TBX22: variants seen among roughly 807,000 people sequenced by gnomAD.
TBX22 encodes the protein T-box transcription factor 22, also known as T-box transcription factor TBX22.
In TBX22, 8 loss-of-function variants were observed where a neutral mutation model predicts 30.1. That is an observed-to-expected ratio of 0.27 (90% CI 0.16 to 0.48). The LOEUF is 0.48. Ranked by LOEUF, TBX22 falls within the 20% of genes least tolerant of loss-of-function variation. TBX22 has a pLI of 0.99. For missense variants in TBX22, 463 were observed against 400.5 expected, an observed-to-expected ratio of 1.16 and a Z score of -1.33; for synonymous variants, 173 against 149.1, an observed-to-expected ratio of 1.16 and a Z score of -1.17.
rs750669044 is a variant in TBX22, at chrX:80,027,333, G to A, written c.863+13G>A. The A allele has an allele frequency of 8.3e-5, 78 of 935,572 alleles. No homozygotes were observed. The highest frequency in any genetic ancestry group is 1.2e-4 in the Non-Finnish European group (76 of 650,279). 77.1% of individuals were successfully genotyped at this position (935,572 alleles called of 1,213,427 possible). A position where few individuals can be genotyped will look rare whatever the true frequency, so the allele number is the denominator to read the frequency against. On this transcript the variant is annotated intron_variant, in intron 7 of 8. Coordinates refer to ENST00000373296, the MANE Select transcript of TBX22 (RefSeq NM_001109878.2). ...CTGGAAGAAACAGGTAAGCAGCATA[G>A]CAATGACATCTAATATTGATGTAGC...
chrX:80,017,280 T>TTG (rs3048747), intron 1 of TBX22, among the ~76,000 whole-genome samples: 19,785 of 93,685 alleles, frequency 0.21, 1,909 homozygotes, highest in East Asian at 0.49. Context: ...GGTGTTGTTT[T>TTG]TGTGTGTGTG....
chrX:80,021,162 C>T (rs1037419218), intron 1 of TBX22, among the ~76,000 whole-genome samples: 5 of 112,059 alleles, frequency 4.5e-5, no homozygotes, highest in East Asian at 2.8e-4. Flanking sequence ...TTACTTAATC[C>T]GAACATTTTG....
chrX:80,019,863 C>G (rs992089124), intron 1 of TBX22, among the ~76,000 whole-genome samples: 8 of 111,276 alleles, frequency 7.2e-5, no homozygotes, highest in African/African-American at 2.6e-4. Flanking sequence ...TAAAAAAATT[C>G]TGGATGACTA....
chrX:80,020,356 C>A (rs1284135118), intron 1 of TBX22, among the ~76,000 whole-genome samples: 1 of 110,409 alleles, frequency 9.1e-6, no homozygotes, highest in African/African-American at 3.3e-5. Context: ...ATAGATAGAT[C>A]TTCTGAGTAA....
chrX:80,031,165 T>C lies in TBX22; in HGVS notation c.*54T>C, dbSNP rs1924237890. 2.7e-6 allele frequency: 3 copies of C among 1,120,335 alleles called. No individual in the cohort carries two copies. 92.3% of individuals were successfully genotyped at this position (1,120,335 alleles called of 1,213,427 possible). ...CATGTAAACAAATATTTTCTTTATT[T>C]GTAGCCAAAGAAATTTCAACAGTTA... On this transcript the variant is annotated 3_prime_UTR_variant, in exon 9 of 9. Coordinates refer to ENST00000373296, the MANE Select transcript of TBX22 (RefSeq NM_001109878.2).
chrX:80,025,853 G>A (rs1923949146), intron 5 of TBX22, 76 bp downstream of exon 5: 1 of 986,629 alleles, frequency 1.0e-6, no homozygotes. Context: ...GGAGAGGCCA[G>A]GGAGGCTTTT....
intron 8 of TBX22, among the ~76,000 whole-genome samples, chrX:80,028,986 C>T (rs944578711): frequency 9.1e-6 from 1 of 109,820 alleles, no homozygotes; most frequent in African/African-American, 3.3e-5. Flanking sequence ...TTTACAGTGT[C>T]GATTTAACTA....
intron 1 of TBX22, among the ~76,000 whole-genome samples, chrX:80,018,056 C>A (rs1923528847): frequency 8.9e-6 from 1 of 111,933 alleles, no homozygotes; most frequent in Admixed American, 9.5e-5. Flanking sequence ...TACCAAGGAG[C>A]AAGAGTAACA....
chrX:80,024,183 T>C lies in TBX22; in HGVS notation c.458+19T>C. The C allele has an allele frequency of 8.5e-7, 1 of 1,176,790 alleles. No homozygotes were observed. The highest frequency in any genetic ancestry group is 1.2e-6 in the Non-Finnish European group (1 of 864,401). ...GCTATAGGTAATGGGCCCCATAGAA[T>C]GGTACTCTATGCCCAGGCTAGGGCC... On this transcript the variant is annotated intron_variant, in intron 4 of 8. Coordinates refer to ENST00000373296, the MANE Select transcript of TBX22 (RefSeq NM_001109878.2).
chrX:80,023,396 A>G, intron 3 of TBX22, 156 bp downstream of exon 3: 2 of 542,593 alleles, frequency 3.7e-6, no homozygotes, highest in Non-Finnish European at 6.1e-6. Context: ...TAGCCCCTCA[A>G]TTGATAGGGC....
chrX:80,015,930 T>C, intron 1 of TBX22, among the ~76,000 whole-genome samples: 1 of 112,098 alleles, frequency 8.9e-6, no homozygotes, highest in East Asian at 2.8e-4. Context: ...GAGCAGTTTT[T>C]TCTCTAGTAA....
Position 80,022,367 on chromosome X carries a change from C to T in TBX22, c.98C>T (p.Pro33Leu). Residue 33 changes from proline (P) to leucine (L), a missense_variant, in exon 2 of 9, where the codon CCT (proline) becomes CTT (leucine). By Grantham distance (98) the Pro-to-Leu change is moderately conservative. Transcript: ENST00000373296. ...CAAGACCCAATACAGGCGGAGCAGC[C>T]TGAGCTGCGGGAGAAAAAGGGCGGA... ...KLQDPIQAEQ[P>L]ELREKKGGEE... 8.3e-7 allele frequency: 1 copy of T among 1,210,645 alleles called. No individual in the cohort carries two copies.
At position 80,024,118 on chromosome X, in the gene TBX22, T is replaced by C. The variant is rs759370678; in HGVS notation, c.412T>C (p.Tyr138His). Residue 138 changes from tyrosine (Y) to histidine (H), a missense_variant, in exon 4 of 9, where the codon TAC (tyrosine) becomes CAC (histidine). Coordinates refer to ENST00000373296, the MANE Select transcript of TBX22 (RefSeq NM_001109878.2). ...KVKGLDPGKQ[Y>H]HVAIDVVPVD... ...GAAAGGGTTGGATCCAGGGAAGCAG[T>C]ACCATGTGGCCATCGATGTGGTGCC... is the stretch of plus-strand genomic sequence containing the variant. 1 of 1,209,293 alleles carries C rather than the reference T, an allele frequency of 8.3e-7. No individual in the cohort carries two copies. The highest frequency in any genetic ancestry group is 1.8e-5 in the African/African-American group (1 of 56,918).
chrX:80,022,110 T>G, intron 1 of TBX22, 158 bp from the exon 2 acceptor site: 1 of 473,382 alleles, frequency 2.1e-6, no homozygotes. Flanking sequence ...GTTTTTCAGA[T>G]TTGGGTTTTG....
chrX:80,025,293 A>T (rs1431928393), intron 4 of TBX22, among the ~76,000 whole-genome samples: 2 of 111,368 alleles, frequency 1.8e-5, no homozygotes, highest in East Asian at 5.7e-4. Context: ...AAGCTAGTGG[A>T]TTTTTCCATT....
At chrX:80,021,595 T>G (rs1198196066) in intron 1 of TBX22, among the ~76,000 whole-genome samples, 1 of 112,479 alleles carries the variant, frequency 8.9e-6, no homozygotes, top group Non-Finnish European at 1.9e-5. Context: ...TATAATTTAA[T>G]GTAAAGCTGT....
chrX:80,027,995 G>A lies in TBX22; in HGVS notation c.868G>A (p.Val290Ile), dbSNP rs2147602532. 2.5e-6 allele frequency: 3 copies of A among 1,205,019 alleles called. No individual in the cohort carries two copies. The highest frequency in any genetic ancestry group is 1.7e-5 in the African/African-American group (1 of 57,640). The change falls in exon 8 of 9, where the codon GTA (valine) becomes ATA (isoleucine). Residue 290 changes from valine to isoleucine, a missense_variant. Physicochemically the swap from Val to Ile is conservative, Grantham distance 29. Transcript: ENST00000373296. ...GFRDTGRNRGVLDGLLETYPW... is the reference protein window; with the variant it reads ...GFRDTGRNRGILDGLLETYPW... ...AAAGTTGACTCTCTTTTTTAGGGGTGTATTGGATGGGCTTTTAGAGACCTA... is the reference window on the plus strand; with the variant it reads ...AAAGTTGACTCTCTTTTTTAGGGGTATATTGGATGGGCTTTTAGAGACCTA...
chrX:80,015,294 G>C (rs779905384), intron 1 of TBX22, among the ~76,000 whole-genome samples: 5 of 111,957 alleles, frequency 4.5e-5, no homozygotes, highest in Non-Finnish European at 9.4e-5. Context: ...GGGAAGGGAC[G>C]GGAGTGCCTC....
rs772408221 is a variant in TBX22 at position 80,024,050 on chromosome X, T to C, written c.357-13T>C. The C allele has an allele frequency of 1.3e-5, 16 of 1,205,893 alleles. No homozygotes were observed. The East Asian group carries it at 4.4e-4, about 34-fold the overall frequency. Reference sequence around the variant, plus strand: ...AAAAGCTCTTGGGTCAGTCCTTATTTTCTTTCTTACAGGCGGATGTTCCCC... The same window carrying C: ...AAAAGCTCTTGGGTCAGTCCTTATTCTCTTTCTTACAGGCGGATGTTCCCC... On this transcript the variant is annotated splice_polypyrimidine_tract_variant and intron_variant, in intron 3 of 8. Transcript: ENST00000373296.
Sources: gnomAD v4.1 joint callset for allele counts (sites outside exome capture counted in the v4.1 genomes callset) on GRCh38, gnomAD v4.1.1 for gene constraint, MANE v1.5 for transcripts, NCBI Gene and HGNC (gene_info 2026-07-23, HGNC 2026-07-21) for gene names.